The following TRIP12 variants were observed in gnomAD, a reference collection of about 807,000 sequenced individuals.
TRIP12 encodes the protein thyroid hormone receptor interactor 12.
Under a neutral mutation model 244.2 loss-of-function variants are expected in TRIP12, and 25 were observed. The ratio of observed to expected loss-of-function variants is 0.10; its 90% confidence interval spans 0.07 to 0.14. The LOEUF (loss-of-function observed/expected upper bound fraction) is 0.14, where lower values mean the gene tolerates loss of function less well. Among genes scored for constraint, TRIP12 ranks in the 10% least tolerant of loss-of-function variants. TRIP12 has a pLI of 1.00. For synonymous variants in TRIP12, 905 were observed against 873.1 expected, an observed-to-expected ratio of 1.04 and a Z score of -0.64; for missense variants, 1,677 against 2,486.4, an observed-to-expected ratio of 0.67 and a Z score of 6.92.
At position 229,786,291 on chromosome 2, in the gene TRIP12, C is replaced by T. The variant is rs148915175; in HGVS notation, c.4996-436G>A. Among the ~76,000 whole-genome samples the T allele has an allele frequency of 7.2e-5, 11 of 152,130 alleles. No individual in the cohort carries two copies. The South Asian group carries it at 2.3e-3, about 32-fold the overall frequency. On this transcript the variant is annotated intron_variant, in intron 33 of 41. Coordinates refer to ENST00000675903, the MANE Select transcript of TRIP12 (RefSeq NM_001348323.3). ...CTGATCTGCCAAGATCCTACAAGCACTACTACAAACACCTGCAAATGAGAT... is the reference window on the plus strand; with the variant it reads ...CTGATCTGCCAAGATCCTACAAGCATTACTACAAACACCTGCAAATGAGAT...
intron 4 of TRIP12, among the ~76,000 whole-genome samples, chr2:229,843,655 G>C: frequency 6.6e-6 from 1 of 152,208 alleles, no homozygotes; most frequent in East Asian, 1.9e-4. Flanking sequence ...GAGGCTGGAG[G>C]AATGGGTGAG....
At chr2:229,767,925 A>G (rs921781697) in intron 41 of TRIP12, among the ~76,000 whole-genome samples, 175 bp from the exon 42 acceptor site, 2 of 152,236 alleles carry the variant, frequency 1.3e-5, no homozygotes, top group Non-Finnish European at 2.9e-5. Flanking sequence ...TATCATTTAA[A>G]AACTCGCTGT....
At chr2:229,879,951 A>T in intron 2 of TRIP12, 31 bp downstream of exon 2, 1 of 1,610,576 alleles carries the variant, frequency 6.2e-7, no homozygotes, top group Non-Finnish European at 8.5e-7. Flanking sequence ...TTTATTCCCA[A>T]TTCCTTTTCA....
chr2:229,847,364 G>A (rs774776606), intron 4 of TRIP12, among the ~76,000 whole-genome samples: 2 of 152,124 alleles, frequency 1.3e-5, no homozygotes, highest in Non-Finnish European at 2.9e-5. Flanking sequence ...AAAAAGTAAT[G>A]CCCACTGTCA....
At chr2:229,838,440 T>C (rs1368705333) in intron 5 of TRIP12, among the ~76,000 whole-genome samples, 1 of 152,140 alleles carries the variant, frequency 6.6e-6, no homozygotes, top group Non-Finnish European at 1.5e-5. Context: ...TCAGAAAAGA[T>C]TTGCCATGAA....
At chr2:229,832,426 A>C (rs905803795) in intron 6 of TRIP12, among the ~76,000 whole-genome samples, 2 of 152,252 alleles carry the variant, frequency 1.3e-5, no homozygotes, top group African/African-American at 2.4e-5. Context: ...TGAAAAGTTT[A>C]GAGCCATAGA....
At chr2:229,911,603 AAAT>A (rs1456762734) in intron 1 of TRIP12, among the ~76,000 whole-genome samples, 13 of 152,298 alleles carry the variant, frequency 8.5e-5, no homozygotes, top group African/African-American at 3.1e-4. Flanking sequence ...CAACACAAAG[AAAT>A]AATAAGTGTC....
intron 4 of TRIP12, among the ~76,000 whole-genome samples, chr2:229,846,768 A>C (rs1167410285): frequency 1.3e-5 from 2 of 152,244 alleles, no homozygotes; most frequent in African/African-American, 2.4e-5. Flanking sequence ...TTTTGCAGAT[A>C]ATGAGCTAAA....
intron 1 of TRIP12, among the ~76,000 whole-genome samples, chr2:229,900,257 C>T (rs796394074): frequency 3.9e-5 from 6 of 152,198 alleles, no homozygotes; most frequent in Non-Finnish European, 5.9e-5. Context: ...AGAGTCATCA[C>T]TATACTTGAA....
chr2:229,898,680 T>C (rs2069647087), intron 1 of TRIP12, among the ~76,000 whole-genome samples: 1 of 152,172 alleles, frequency 6.6e-6, no homozygotes, highest in African/African-American at 2.4e-5. Context: ...AAAATTTGCA[T>C]CAGATAGCAT....
intron 1 of TRIP12, among the ~76,000 whole-genome samples, chr2:229,907,803 G>GA (rs1375037749): frequency 1.3e-5 from 2 of 151,628 alleles, no homozygotes; most frequent in Non-Finnish European, 2.9e-5. Flanking sequence ...CTTATCTCTA[G>GA]AAAAAAATAA....
chr2:229,799,803 T>A (rs1056511565), intron 21 of TRIP12, among the ~76,000 whole-genome samples: 3 of 151,670 alleles, frequency 2.0e-5, no homozygotes, highest in African/African-American at 7.3e-5. Flanking sequence ...CATAACAAGG[T>A]ATGTTCTTGT....
At chr2:229,826,370 A>G (rs1389102714) in intron 8 of TRIP12, among the ~76,000 whole-genome samples, 1 of 152,226 alleles carries the variant, frequency 6.6e-6, no homozygotes, top group Non-Finnish European at 1.5e-5. Context: ...AGAGGTCTCT[A>G]GATCCAACAA....
intron 4 of TRIP12, among the ~76,000 whole-genome samples, chr2:229,848,795 CAG>C (rs2058084027): frequency 6.6e-6 from 1 of 152,134 alleles, no homozygotes; most frequent in African/African-American, 2.4e-5. Flanking sequence ...TATTGAAAGA[CAG>C]AATACACTAT....
intron 33 of TRIP12, among the ~76,000 whole-genome samples, chr2:229,786,384 C>T (rs1466958517): frequency 2.1e-5 from 3 of 143,666 alleles, no homozygotes; most frequent in Non-Finnish European, 4.5e-5. Flanking sequence ...AATAAAGATA[C>T]GAATAGGATG....
intron 4 of TRIP12, among the ~76,000 whole-genome samples, chr2:229,856,879 G>A (rs1374475975): frequency 1.3e-5 from 2 of 152,082 alleles, no homozygotes; most frequent in Non-Finnish European, 2.9e-5. Context: ...TTATACAGAT[G>A]TTCTGCATAT....
intron 38 of TRIP12, 190 bp downstream of exon 38, chr2:229,773,907 G>C (rs759810714): frequency 2.1e-6 from 1 of 472,458 alleles, no homozygotes; most frequent in Non-Finnish European, 3.7e-6. Flanking sequence ...GGTTATATAA[G>C]ACAGGAAATA....
At chr2:229,868,218 T>A (rs2061911485) in intron 2 of TRIP12, among the ~76,000 whole-genome samples, 1 of 152,206 alleles carries the variant, frequency 6.6e-6, no homozygotes, top group Admixed American at 6.6e-5. Flanking sequence ...TTCATTCATT[T>A]ATTTTTTGAG....
chr2:229,903,522 CAGG>C (rs1385555588), intron 1 of TRIP12, among the ~76,000 whole-genome samples: 2 of 151,816 alleles, frequency 1.3e-5, no homozygotes, highest in Admixed American at 6.6e-5. Flanking sequence ...GCAAGAAAAG[CAGG>C]AGATGATGTC....
Sources: allele counts gnomAD v4.1 joint callset (sites outside exome capture counted in the v4.1 genomes callset), GRCh38; gene constraint gnomAD v4.1.1; transcripts MANE v1.5; gene names NCBI Gene and HGNC (gene_info 2026-07-23, HGNC 2026-07-21).